LMBRD1: variants seen among roughly 807,000 people sequenced by gnomAD.
The protein encoded by LMBRD1 is LMBR1 domain containing 1.
In LMBRD1, 64 loss-of-function variants were observed where a neutral mutation model predicts 74.8. The ratio of observed to expected loss-of-function variants is 0.86; its 90% CI spans 0.70 to 1.05. LMBRD1 has a LOEUF of 1.05. LMBRD1 is among the 50% of genes least tolerant of loss of function. The pLI, the probability that LMBRD1 is intolerant of heterozygous loss-of-function variation, is 0.00. For synonymous variants in LMBRD1, 204 were observed against 216.3 expected (o/e 0.94, Z 0.50); for missense variants, 652 against 645.9 (o/e 1.01, Z -0.10).
At chr6:69,771,473 T>C (rs147544370) in intron 3 of LMBRD1, among the ~76,000 whole-genome samples, 209 of 152,262 alleles carry the variant, frequency 1.4e-3, no homozygotes, top group African/African-American at 4.7e-3. Flanking sequence ...ATCAGCATCA[T>C]TTTAGCCACA....
At chr6:69,699,447 T>C (rs1000729581) in intron 12 of LMBRD1, among the ~76,000 whole-genome samples, 1 of 151,806 alleles carries the variant, frequency 6.6e-6, no homozygotes, top group African/African-American at 2.4e-5. Context: ...GAACTACCTC[T>C]AGTTCTATCT....
chr6:69,721,996 C>T (rs1263312410), intron 7 of LMBRD1, among the ~76,000 whole-genome samples: 2 of 152,092 alleles, frequency 1.3e-5, no homozygotes, highest in African/African-American at 4.8e-5. Flanking sequence ...GAGGGAAGAG[C>T]AAGTAGGACT....
intron 3 of LMBRD1, 79 bp downstream of exon 3, chr6:69,780,415 T>C (rs1699643391): frequency 1.9e-6 from 2 of 1,040,884 alleles, no homozygotes; most frequent in Non-Finnish European, 3.0e-6. Flanking sequence ...AGGAAGAACC[T>C]GGGGTTCTCC....
intron 14 of LMBRD1, among the ~76,000 whole-genome samples, chr6:69,690,297 T>C (rs1045652890): frequency 3.3e-5 from 5 of 151,930 alleles, no homozygotes; most frequent in African/African-American, 7.2e-5. Flanking sequence ...TACAACTTAA[T>C]TGTCACTCAA....
intron 3 of LMBRD1, among the ~76,000 whole-genome samples, chr6:69,758,896 G>A (rs532411609): frequency 6.6e-6 from 1 of 152,112 alleles, no homozygotes; most frequent in South Asian, 2.1e-4. Context: ...ATGGGTTCAA[G>A]ATATACTTCT....
At chr6:69,689,016 T>TA (rs1306674582) in intron 14 of LMBRD1, among the ~76,000 whole-genome samples, 1 of 152,072 alleles carries the variant, frequency 6.6e-6, no homozygotes, top group African/African-American at 2.4e-5. Flanking sequence ...GGATACTAGT[T>TA]ACTAAAATGA....
intron 13 of LMBRD1, among the ~76,000 whole-genome samples, chr6:69,698,400 A>C (rs945183093): frequency 3.3e-5 from 5 of 152,026 alleles, no homozygotes; most frequent in African/African-American, 7.2e-5. Flanking sequence ...AGGCCCTGAA[A>C]CATAAATATG....
chr6:69,786,150 T>G (rs12208122), intron 2 of LMBRD1, among the ~76,000 whole-genome samples: 27 of 152,250 alleles, frequency 1.8e-4, no homozygotes, highest in Non-Finnish European at 3.7e-4. Context: ...CAACCTCATT[T>G]GCCTTAATGA....
In LMBRD1 at chr6:69,700,916, C is replaced by T. The variant is rs1455519010; in HGVS notation, c.1084-47G>A. 1.1e-5 allele frequency: 12 copies of T among 1,120,146 alleles called. No individual in the cohort carries two copies. In the African/African-American group the frequency reaches 1.1e-4, roughly 10 times the overall value. The allele number at this position is 1,120,146 out of a possible 1,614,324, so 69.4% of individuals were successfully genotyped here. A position where few individuals can be genotyped will look rare whatever the true frequency, so the allele number is the denominator to read the frequency against. ...AAATTTAACATATAAACTATAAGCA[C>T]TCTAACAGTCATATAAAATAAGCTA... On this transcript the variant is annotated intron_variant, in intron 11 of 15. Coordinates refer to ENST00000649934, the MANE Select transcript of LMBRD1 (RefSeq NM_018368.4).
intron 15 of LMBRD1, 73 bp from the exon 16 acceptor site, chr6:69,676,344 A>G: frequency 6.3e-7 from 1 of 1,581,658 alleles, no homozygotes; most frequent in Non-Finnish European, 8.6e-7. Context: ...TTAAAATTCA[A>G]TGACAGTACT....
chr6:69,783,195 G>A (rs746831205), intron 2 of LMBRD1, among the ~76,000 whole-genome samples: 76 of 152,072 alleles, frequency 5.0e-4, no homozygotes, highest in African/African-American at 1.7e-3. Flanking sequence ...TGTAAGTAGC[G>A]CTTACCACAC....
chr6:69,749,033 A>G (rs1353082214), intron 5 of LMBRD1, among the ~76,000 whole-genome samples: 1 of 152,048 alleles, frequency 6.6e-6, no homozygotes, highest in Non-Finnish European at 1.5e-5. Context: ...AGATGCCCAC[A>G]ATATGTTAAC....
intron 9 of LMBRD1, chr6:69,706,068 A>T: frequency 1.4e-6 from 1 of 704,740 alleles, no homozygotes; most frequent in Non-Finnish European, 2.6e-6. Context: ...TATCCACCTT[A>T]AAGTGATAAT....
intron 8 of LMBRD1, among the ~76,000 whole-genome samples, chr6:69,717,476 T>C (rs1315400502): frequency 6.6e-6 from 1 of 152,176 alleles, no homozygotes; most frequent in African/African-American, 2.4e-5. Flanking sequence ...TTCTTATCTT[T>C]ATTTTGAAAA....
chr6:69,698,930 A>G, intron 13 of LMBRD1, 113 bp downstream of exon 13: 1 of 720,532 alleles, frequency 1.4e-6, no homozygotes, highest in East Asian at 2.7e-5. Flanking sequence ...TAGCAATATT[A>G]AATATAATCT....
intron 14 of LMBRD1, among the ~76,000 whole-genome samples, chr6:69,693,462 G>C (rs1018235187): frequency 6.6e-6 from 1 of 151,852 alleles, no homozygotes; most frequent in Non-Finnish European, 1.5e-5. Flanking sequence ...GCAACATATG[G>C]ATTTTTAGAA....
Position 69,674,561 on chromosome 6 carries a change from A to T in LMBRD1, c.*1597T>A, listed in dbSNP as rs1330540071. On this transcript the variant is annotated 3_prime_UTR_variant, in exon 16 of 16. Transcript: ENST00000649934. ...TTGCCCCCACAAAAGTGAATACTTC[A>T]ATTTTCAAAATGTTACAGTTGAAGC... 6.6e-6 allele frequency among the ~76,000 whole-genome samples: 1 copy of T among 152,252 alleles called. No homozygotes were observed. Among genetic ancestry groups the T allele is most frequent in the Non-Finnish European group, 1.5e-5 (1 of 68,054 alleles).
In LMBRD1 at chr6:69,701,437, A is replaced by T; in HGVS notation, c.1083+6T>A. Reference sequence around the variant, plus strand: ...TACAGTATAAAATGATTGATATTTTACTTACTGTTTGTAGTAAAGGCAAAA... The same window carrying T: ...TACAGTATAAAATGATTGATATTTTTCTTACTGTTTGTAGTAAAGGCAAAA... On this transcript the variant is annotated splice_donor_region_variant and intron_variant, in intron 11 of 15. Transcript: ENST00000649934. The T allele has an allele frequency of 1.3e-6, 2 of 1,491,094 alleles. No homozygotes were observed. Among genetic ancestry groups the T allele is most frequent in the Non-Finnish European group, 9.3e-7 (1 of 1,070,186 alleles). 92.4% of individuals were successfully genotyped at this position (1,491,094 alleles called of 1,614,324 possible).
At chr6:69,693,913 T>C (rs1412941548) in intron 14 of LMBRD1, among the ~76,000 whole-genome samples, 1 of 152,040 alleles carries the variant, frequency 6.6e-6, no homozygotes, top group East Asian at 1.9e-4. Context: ...TTTAGAGATG[T>C]GCTATAGAAC....
Sources: gnomAD v4.1 joint callset for allele counts (sites outside exome capture counted in the v4.1 genomes callset) on GRCh38, gnomAD v4.1.1 for gene constraint, MANE v1.5 for transcripts, NCBI Gene and HGNC (gene_info 2026-07-23, HGNC 2026-07-21) for gene names.